The following SPIDR variants were observed in gnomAD, a reference collection of about 807,000 sequenced individuals.
SPIDR encodes scaffold protein involved in DNA repair.
In SPIDR, 93 loss-of-function variants were observed where a neutral mutation model predicts 104.6. The observed-to-expected ratio is 0.89, with a 90% CI of 0.75 to 1.06. The LOEUF (loss-of-function observed/expected upper bound fraction) is 1.06. Among genes scored for constraint, SPIDR ranks in the 50% least tolerant of loss-of-function variants. The pLI is 0.00. For synonymous variants in SPIDR, 431 were observed against 416.9 expected (o/e 1.03, Z -0.41); for missense variants, 1,154 against 1,111.2 (o/e 1.04, Z -0.55).
At chr8:47,596,133 A>G (rs776104193) in intron 9 of SPIDR, 127 bp downstream of exon 9, 3 of 752,608 alleles carry the variant, frequency 4.0e-6, no homozygotes, top group Admixed American at 2.9e-5. Context: ...ACAAGGATGT[A>G]TGCTGCATGA....
chr8:47,559,344 C>T (rs1015567779), intron 8 of SPIDR, among the ~76,000 whole-genome samples: 9 of 152,202 alleles, frequency 5.9e-5, no homozygotes, highest in African/African-American at 2.2e-4. Flanking sequence ...ACTAAAGCTG[C>T]TGTACCCTGC....
chr8:47,484,059 T>A (rs1197595460), intron 8 of SPIDR, among the ~76,000 whole-genome samples: 1 of 152,196 alleles, frequency 6.6e-6, no homozygotes, highest in Admixed American at 6.5e-5. Context: ...CAGAGTAATT[T>A]GATTGAACGG....
At chr8:47,579,797 A>T (rs1363079902) in intron 8 of SPIDR, among the ~76,000 whole-genome samples, 2 of 151,964 alleles carry the variant, frequency 1.3e-5, no homozygotes, top group African/African-American at 4.8e-5. Context: ...CTGCCCCGTC[A>T]GTTTGTGTCC....
chr8:47,452,181 C>G (rs2071909806), intron 8 of SPIDR, among the ~76,000 whole-genome samples: 1 of 152,124 alleles, frequency 6.6e-6, no homozygotes, highest in South Asian at 2.1e-4. Flanking sequence ...AGAGAGGCAA[C>G]TTGCTACGTA....
intron 5 of SPIDR, among the ~76,000 whole-genome samples, chr8:47,319,653 C>T (rs558418501): frequency 6.6e-6 from 1 of 152,314 alleles, no homozygotes; most frequent in Admixed American, 6.5e-5. Flanking sequence ...TTCTTCTCAG[C>T]ACCACACCGC....
chr8:47,409,928 TGAG>T (rs782275082), intron 7 of SPIDR, among the ~76,000 whole-genome samples: 1 of 152,134 alleles, frequency 6.6e-6, no homozygotes, highest in Non-Finnish European at 1.5e-5. Flanking sequence ...CTCGAGAGGC[TGAG>T]ATGTGAGAAT....
intron 5 of SPIDR, among the ~76,000 whole-genome samples, chr8:47,363,019 G>C (rs529753307): frequency 1.3e-5 from 2 of 151,788 alleles, no homozygotes; most frequent in Non-Finnish European, 2.9e-5. Flanking sequence ...ATCCTATTCC[G>C]CCTGCAGATG....
intron 7 of SPIDR, among the ~76,000 whole-genome samples, chr8:47,414,347 G>T (rs1588393854): frequency 6.6e-6 from 1 of 152,046 alleles, no homozygotes; most frequent in East Asian, 1.9e-4. Flanking sequence ...CAGAATGAAG[G>T]GAGAAAAAGG....
At chr8:47,365,671 T>C (rs1054252133) in intron 5 of SPIDR, among the ~76,000 whole-genome samples, 2 of 152,236 alleles carry the variant, frequency 1.3e-5, no homozygotes, top group South Asian at 2.1e-4. Flanking sequence ...TTTAAGAGTT[T>C]TAAATTTTAT....
In SPIDR at chr8:47,613,077, T is replaced by G. The variant is rs368210678; in HGVS notation, c.1544+13881T>G. Among the ~76,000 whole-genome samples, 577 of 152,334 alleles carry G rather than the reference T, an allele frequency of 3.8e-3. 3 individuals carry two copies. Among genetic ancestry groups the G allele is most frequent in the South Asian group, 0.023 (109 of 4,832 alleles). On this transcript the variant is annotated intron_variant, in intron 10 of 19. Coordinates refer to ENST00000297423, the MANE Select transcript of SPIDR (RefSeq NM_001080394.4). ...TGGTAGCACATTCACAATGCTGTAC[T>G]ACCAACTCTATATCATTCCAAAACA...
intron 11 of SPIDR, among the ~76,000 whole-genome samples, chr8:47,676,704 A>G (rs993039006): frequency 6.6e-6 from 1 of 152,224 alleles, no homozygotes; most frequent in African/African-American, 2.4e-5. Flanking sequence ...TGTTTGGGCT[A>G]AGTCACAGAG....
Position 47,713,500 on chromosome 8 carries a change from T to C in SPIDR, c.2200T>C (p.Cys734Arg). 6.2e-7 allele frequency: 1 copy of C among 1,614,202 alleles called. No homozygotes were observed. Among genetic ancestry groups the C allele is most frequent in the Non-Finnish European group, 8.5e-7 (1 of 1,180,032 alleles). Reference protein sequence around the residue: ...DALRDQGRIVCAERTVLLLQK... With the variant: ...DALRDQGRIVRAERTVLLLQK... ...GTCTCTGTCGGCAGGTCGGATTGTTTGTGCTGAACGAACTGTCCTCTTGCT... is the reference window on the plus strand; with the variant it reads ...GTCTCTGTCGGCAGGTCGGATTGTTCGTGCTGAACGAACTGTCCTCTTGCT... Residue 734 changes from cysteine (C) to arginine (R), a missense_variant, in exon 16 of 20, where the codon TGT becomes CGT. By Grantham distance (180) the Cys-to-Arg change is radical (BLOSUM62 -3). Transcript: ENST00000297423.
chr8:47,512,883 A>G (rs1405815635), intron 8 of SPIDR, among the ~76,000 whole-genome samples: 5 of 152,178 alleles, frequency 3.3e-5, no homozygotes, highest in Admixed American at 6.5e-5. Flanking sequence ...TAACTAAGCT[A>G]TTTGGCTTTT....
At chr8:47,635,237 G>A (rs1364098838) in intron 10 of SPIDR, among the ~76,000 whole-genome samples, 2 of 152,048 alleles carry the variant, frequency 1.3e-5, no homozygotes, top group Admixed American at 6.5e-5. Context: ...CCAGCTACTC[G>A]GGAGGCTGAG....
Position 47,455,674 on chromosome 8 carries a change from A to G in SPIDR, c.1097+15132A>G, listed in dbSNP as rs182674803. On this transcript the variant is annotated intron_variant, in intron 8 of 19. Coordinates refer to ENST00000297423, the MANE Select transcript of SPIDR (RefSeq NM_001080394.4). ...ATACAAAATGGTTGATAGCGAAAGA[A>G]TGAAAATGCTAAAAAAGAACAGGGG... 2.0e-4 allele frequency among the ~76,000 whole-genome samples: 30 copies of G among 152,306 alleles called. No individual in the cohort carries two copies. In the East Asian group the frequency reaches 4.8e-3, roughly 24 times the overall value.
intron 8 of SPIDR, among the ~76,000 whole-genome samples, chr8:47,491,199 G>A (rs1034759733): frequency 6.6e-6 from 1 of 151,946 alleles, no homozygotes; most frequent in Non-Finnish European, 1.5e-5. Context: ...GTTTTTTACT[G>A]AAGCAATAGT....
intron 8 of SPIDR, among the ~76,000 whole-genome samples, chr8:47,566,234 G>A (rs559330688): frequency 7.3e-5 from 11 of 151,244 alleles, no homozygotes; most frequent in African/African-American, 1.7e-4. Context: ...TTGAATTCCC[G>A]ACCTCAGGTG....
chr8:47,564,072 CTTTTTTTTTTTTTTTTT>C (rs869220760), intron 8 of SPIDR, among the ~76,000 whole-genome samples: 1 of 76,836 alleles, frequency 1.3e-5, no homozygotes, highest in African/African-American at 5.1e-5. Flanking sequence ...TTTTTCTTTT[CTTTTTTTTTTTTTTTTT>C]TTTTTTTTGA....
chr8:47,344,276 T>TGTCC (rs2051403528), intron 5 of SPIDR, among the ~76,000 whole-genome samples: 2 of 152,318 alleles, frequency 1.3e-5, no homozygotes, highest in East Asian at 3.9e-4. Context: ...CCTTCATCCA[T>TGTCC]GTCCCTACAA....
Sources: gnomAD v4.1 joint callset for allele counts (sites outside exome capture counted in the v4.1 genomes callset) on GRCh38, gnomAD v4.1.1 for gene constraint, MANE v1.5 for transcripts, NCBI Gene and HGNC (gene_info 2026-07-23, HGNC 2026-07-21) for gene names.